ANKRD35: variants seen among roughly 807,000 people sequenced by gnomAD.
The protein encoded by ANKRD35 is ankyrin repeat domain-containing protein 35.
Under a neutral mutation model 109.9 loss-of-function variants are expected in ANKRD35, and 102 were observed. The ratio of observed to expected loss-of-function variants is 0.93; its 90% confidence interval spans 0.79 to 1.09. ANKRD35 has a LOEUF of 1.09. Ranked by LOEUF, ANKRD35 falls within the 50% of genes least tolerant of loss-of-function variation. The pLI is 0.00. For missense variants in ANKRD35, 1,240 were observed against 1,230.1 expected (o/e 1.01, Z -0.12); for synonymous variants, 515 against 512.4 (o/e 1.01, Z -0.07).
chr1:145,874,207 A>G lies in ANKRD35; in HGVS notation c.746-15T>C. The stretch of plus-strand genomic sequence containing the variant: ...TAGCCTCTGACCTATAAGAAAAGAT[A>G]TGAGGAAAATGAGAGAGAAGACAGG... On this transcript the variant is annotated splice_polypyrimidine_tract_variant and intron_variant, in intron 8 of 13. Coordinates refer to ENST00000355594, the MANE Select transcript of ANKRD35 (RefSeq NM_144698.5). The G allele has an allele frequency of 6.2e-7, 1 of 1,613,528 alleles. No homozygotes were observed. The highest frequency in any genetic ancestry group is 8.5e-7 in the Non-Finnish European group (1 of 1,179,452).
In ANKRD35 at chr1:145,873,373, C is replaced by G. The variant is rs1202106419; in HGVS notation, c.1396G>C (p.Glu466Gln). The G allele has an allele frequency of 6.2e-7, 1 of 1,614,082 alleles. No homozygotes were observed. Among genetic ancestry groups the G allele is most frequent in the African/African-American group, 1.3e-5 (1 of 74,934 alleles). ...HADQLPAGQKESSQVLGVEPG... is the reference protein window; with the variant it reads ...HADQLPAGQKQSSQVLGVEPG... Reference sequence around the variant, plus strand: ...TCAACTCCTAGAACCTGGGAACTCTCCTTCTGACCAGCAGGCAGCTGGTCA... The same window carrying G: ...TCAACTCCTAGAACCTGGGAACTCTGCTTCTGACCAGCAGGCAGCTGGTCA... Residue 466 changes from glutamate (E) to glutamine (Q), a missense_variant, in exon 10 of 14, where the codon GAG (glutamate) becomes CAG (glutamine). Physicochemically the swap from Glu to Gln is conservative, Grantham distance 29 (BLOSUM62 2). Coordinates refer to ENST00000355594, the MANE Select transcript of ANKRD35 (RefSeq NM_144698.5).
Position 145,873,899 on chromosome 1 carries a change from A to G in ANKRD35, c.870T>C (p.Asp290=). The change falls in exon 10 of 14, where the codon GAT becomes GAC. Residue 290 remains aspartate, a synonymous_variant. Transcript: ENST00000355594. ...TCCACTCCTCCGAGCACGGGTCTTC[A>G]TCCTCCTTCTCCTCTTGCTCCTCTT... The part of the protein sequence containing the change: ...EPEEEQEEKE[D]EDPCSEEWRW... 6.2e-7 allele frequency: 1 copy of G among 1,614,120 alleles called. No homozygotes were observed. Among genetic ancestry groups the G allele is most frequent in the Non-Finnish European group, 8.5e-7 (1 of 1,180,030 alleles).
At position 145,884,616 on chromosome 1, in the gene ANKRD35, C is replaced by T. The variant is rs145765472; in HGVS notation, c.39+1104G>A. Among the ~76,000 whole-genome samples, 51 of 152,072 alleles carry T rather than the reference C, an allele frequency of 3.4e-4. No homozygotes were observed. The East Asian group carries it at 8.3e-3, about 25-fold the overall frequency. ...AAGAAGAAGCAATACCCTCCCTAAGCCACCACCTTCTATAATCTTATGTTT... is the reference window on the plus strand; with the variant it reads ...AAGAAGAAGCAATACCCTCCCTAAGTCACCACCTTCTATAATCTTATGTTT... On this transcript the variant is annotated intron_variant, in intron 1 of 13. Transcript: ENST00000355594.
Position 145,874,825 on chromosome 1 carries a change from C to CCCG in ANKRD35, c.739_741dup (p.Arg247dup), listed in dbSNP as rs782045682. 13 of 1,588,714 alleles carry CCCG rather than the reference C, an allele frequency of 8.2e-6. No homozygotes were observed. The highest frequency in any genetic ancestry group is 5.5e-5 in the Admixed American group (3 of 54,598). Reference sequence around the variant, plus strand: ...GAAGTTACACAAGGGCCTTTACCGCCCCGCCGCCGCCGGCTCAGGGCCTGC... The same window carrying CCCG: ...GAAGTTACACAAGGGCCTTTACCGCCCCGCCGCCGCCGCCGGCTCAGGGCCTGC... On this transcript the variant is annotated inframe_insertion, in exon 8 of 14. Transcript: ENST00000355594.
intron 7 of ANKRD35, among the ~76,000 whole-genome samples, chr1:145,875,790 C>T (rs1460330566): frequency 1.3e-5 from 2 of 152,120 alleles, no homozygotes; most frequent in Admixed American, 6.6e-5. Flanking sequence ...CCTCGTGATC[C>T]ACCCGCCTTG....
chr1:145,867,422 G>C, intron 12 of ANKRD35, 30 bp from the exon 13 acceptor site: 1 of 1,599,986 alleles, frequency 6.3e-7, no homozygotes, highest in Non-Finnish European at 8.6e-7. Flanking sequence ...AAGAAAAGGA[G>C]ATGAAGAACA....
At chr1:145,876,385 G>A (rs1329764657) in intron 6 of ANKRD35, 139 bp from the exon 7 acceptor site, 22 of 1,121,502 alleles carry the variant, frequency 2.0e-5, no homozygotes, top group Non-Finnish European at 2.9e-5. Flanking sequence ...CTTTTGGAGG[G>A]TTAGAAGCTC....
At position 145,872,118 on chromosome 1, in the gene ANKRD35, A is replaced by G; in HGVS notation, c.2651T>C (p.Leu884Pro). 11 of 1,611,668 alleles carry G rather than the reference A, an allele frequency of 6.8e-6. No individual in the cohort carries two copies. Among genetic ancestry groups the G allele is most frequent in the Non-Finnish European group, 9.3e-6 (11 of 1,179,028 alleles). The change falls in exon 10 of 14, where the codon CTG becomes CCG. Residue 884 changes from leucine to proline, a missense_variant. By Grantham distance (98) the Leu-to-Pro change is moderately conservative. Coordinates refer to ENST00000355594, the MANE Select transcript of ANKRD35 (RefSeq NM_144698.5). Reference sequence around the variant, plus strand: ...CTCTTGTTCGGCTGCCTGAGCGGCCAGGTCCCCGCTCCGGCGGCGCTCCTC... The same window carrying G: ...CTCTTGTTCGGCTGCCTGAGCGGCCGGGTCCCCGCTCCGGCGGCGCTCCTC... ...VAEERRRSGDLAAQAAEQERQ... is the reference protein window; with the variant it reads ...VAEERRRSGDPAAQAAEQERQ...
At position 145,872,206 on chromosome 1, in the gene ANKRD35, C is replaced by T. The variant is rs782234906; in HGVS notation, c.2563G>A (p.Ala855Thr). 1 of 1,609,360 alleles carries T rather than the reference C, an allele frequency of 6.2e-7. No homozygotes were observed. The highest frequency in any genetic ancestry group is 8.5e-7 in the Non-Finnish European group (1 of 1,178,258). ...QAQAWGQELK[A>T]LLEKYNTACR... The stretch of plus-strand genomic sequence containing the variant: ...GCCGTATTATACTTTTCCAACAGAG[C>T]CTTTAGCTCCTGGCCCCAAGCCTGA... The change falls in exon 10 of 14, where the codon GCT becomes ACT. Residue 855 changes from alanine (A) to threonine (T), a missense_variant. Coordinates refer to ENST00000355594, the MANE Select transcript of ANKRD35 (RefSeq NM_144698.5).
In ANKRD35 at chr1:145,873,081, G is replaced by A. The variant is rs781794555; in HGVS notation, c.1688C>T (p.Ser563Phe). ...AGLQVKPEVP[S>F]QESREGALKA... ...TAGGGCTCCCTCTCTGGACTCCTGG[G>A]AAGGAACCTCAGGTTTCACCTGTAG... Residue 563 changes from serine to phenylalanine, a missense_variant, in exon 10 of 14, where the codon TCC (serine) becomes TTC (phenylalanine). Coordinates refer to ENST00000355594, the MANE Select transcript of ANKRD35 (RefSeq NM_144698.5). The A allele has an allele frequency of 5.0e-6, 8 of 1,612,710 alleles. No individual in the cohort carries two copies. Among genetic ancestry groups the A allele is most frequent in the Admixed American group, 1.7e-5 (1 of 59,814 alleles).
intron 10 of ANKRD35, among the ~76,000 whole-genome samples, chr1:145,871,689 G>T (rs1339587349): frequency 2.6e-5 from 4 of 152,106 alleles, no homozygotes; most frequent in Non-Finnish European, 5.9e-5. Context: ...GCTAATAAAC[G>T]ATGGTGCTGC....
chr1:145,870,048 GCTAC>G (rs1653751869), intron 10 of ANKRD35, among the ~76,000 whole-genome samples: 1 of 151,802 alleles, frequency 6.6e-6, no homozygotes, highest in Non-Finnish European at 1.5e-5. Flanking sequence ...AATAATGATA[GCTAC>G]CTTTTACTGA....
At chr1:145,883,065 A>G (rs1230730848) in intron 1 of ANKRD35, among the ~76,000 whole-genome samples, 2 of 148,944 alleles carry the variant, frequency 1.3e-5, no homozygotes, top group Non-Finnish European at 1.5e-5. Flanking sequence ...TAATTGCAGT[A>G]GACAGTACCA....
chr1:145,876,792 T>C, intron 5 of ANKRD35, 24 bp downstream of exon 5: 1 of 1,614,032 alleles, frequency 6.2e-7, no homozygotes, highest in East Asian at 2.2e-5. Context: ...TGCAGCCCTG[T>C]TCCCATGAGT....
chr1:145,877,185 G>T (rs1553740278), intron 4 of ANKRD35, among the ~76,000 whole-genome samples: 1 of 151,664 alleles, frequency 6.6e-6, no homozygotes, highest in Non-Finnish European at 1.5e-5. Context: ...GGATTAGGAA[G>T]AACGAAAGTA....
Position 145,879,406 on chromosome 1 carries a change from G to A in ANKRD35, c.40-18C>T, listed in dbSNP as rs1654209007. ...CTCTCCACCTGGTCCAGAGCCACAG[G>A]TTGTGTGAATATAGGGCATGAGGGT... On this transcript the variant is annotated intron_variant, in intron 1 of 13. Transcript: ENST00000355594. 2.0e-6 allele frequency: 3 copies of A among 1,525,100 alleles called. No homozygotes were observed. Among genetic ancestry groups the A allele is most frequent in the South Asian group, 1.3e-5 (1 of 78,282 alleles). 94.5% of individuals were successfully genotyped at this position (1,525,100 alleles called of 1,614,324 possible). A position where few individuals can be genotyped will look rare whatever the true frequency, so the allele number is the denominator to read the frequency against.
At position 145,872,597 on chromosome 1, in the gene ANKRD35, C is replaced by T; in HGVS notation, c.2172G>A (p.Glu724=). 1 of 1,613,450 alleles carries T rather than the reference C, an allele frequency of 6.2e-7. No homozygotes were observed. ...GERSAQSKAA[E]SLEELRACIS... is the part of the protein sequence containing the mutation. ...TGCAGGCCCGCAGCTCCTCCAGGGA[C>T]TCCGCTGCTTTGCTTTGTGCACTCC... The change falls in exon 10 of 14, where the codon GAG becomes GAA. Residue 724 remains glutamate (E), a synonymous_variant. Coordinates refer to ENST00000355594, the MANE Select transcript of ANKRD35 (RefSeq NM_144698.5).
rs782030022 is a variant in ANKRD35 at position 145,873,977 on chromosome 1, T to G, written c.792A>C (p.Pro264=). ...QHPDLASQAS[P]SEPQAGSPPK... ...GAGGAGAACCTGCCTGGGGCTCAGATGGAGAGGCCTATGTTGGAAACAGAA... is the reference window on the plus strand; with the variant it reads ...GAGGAGAACCTGCCTGGGGCTCAGAGGGAGAGGCCTATGTTGGAAACAGAA... The change falls in exon 10 of 14, where the codon CCA becomes CCC. Residue 264 remains proline, a synonymous_variant. Coordinates refer to ENST00000355594, the MANE Select transcript of ANKRD35 (RefSeq NM_144698.5). 3 of 1,613,802 alleles carry G rather than the reference T, an allele frequency of 1.9e-6. No individual in the cohort carries two copies. In the South Asian group the frequency reaches 3.3e-5, roughly 18 times the overall value.
chr1:145,875,140 T>G, intron 7 of ANKRD35, 134 bp from the exon 8 acceptor site: 2 of 757,526 alleles, frequency 2.6e-6, no homozygotes, highest in Non-Finnish European at 4.0e-6. Flanking sequence ...TAGACCAGAC[T>G]AGACTTCTCT....
Sources: allele counts gnomAD v4.1 joint callset (sites outside exome capture counted in the v4.1 genomes callset), GRCh38; gene constraint gnomAD v4.1.1; transcripts MANE v1.5; gene names NCBI Gene and HGNC (gene_info 2026-07-23, HGNC 2026-07-21).